Variants in DIP2B observed in about 807,000 individuals in gnomAD.
The protein encoded by DIP2B is DIP2 acetate--CoA ligase B (putative).
Under a neutral mutation model 198.0 loss-of-function variants are expected in DIP2B, and 76 were observed. The observed-to-expected ratio is 0.38, with a 90% CI of 0.32 to 0.46. The LOEUF is 0.46. Among genes scored for constraint, DIP2B ranks in the 20% least tolerant of loss-of-function variants. DIP2B has a pLI of 0.99. For missense variants in DIP2B, 1,559 were observed against 1,978.4 expected (o/e 0.79, Z 4.02); for synonymous variants, 701 against 739.1 (o/e 0.95, Z 0.84).
intron 37 of DIP2B, 27 bp downstream of exon 37, chr12:50,741,566 T>C (rs763630922): frequency 1.9e-6 from 3 of 1,601,256 alleles, no homozygotes; most frequent in South Asian, 2.2e-5. Context: ...ACACTGTGCT[T>C]CCCACTTCAG....
Position 50,670,431 on chromosome 12 carries a change from T to G in DIP2B, c.428-755T>G, listed in dbSNP as rs2012313. Among the ~76,000 whole-genome samples, 1,401 of 152,160 alleles carry G rather than the reference T, an allele frequency of 9.2e-3. 19 individuals carry two copies. Among genetic ancestry groups the G allele is most frequent in the African/African-American group, 0.032 (1,343 of 41,512 alleles). ...ATGTTTTTTGTTTTTTGTTTTTGTTTTTGAGTTGGAGTCTCGCTCTGTTGC... is the reference window on the plus strand; with the variant it reads ...ATGTTTTTTGTTTTTTGTTTTTGTTGTTGAGTTGGAGTCTCGCTCTGTTGC... On this transcript the variant is annotated intron_variant, in intron 4 of 37. Transcript: ENST00000301180.
intron 1 of DIP2B, among the ~76,000 whole-genome samples, chr12:50,523,377 T>C (rs950567724): frequency 1.3e-5 from 2 of 152,180 alleles, no homozygotes; most frequent in Non-Finnish European, 2.9e-5. Flanking sequence ...TCAGTACAGA[T>C]GGCTTTTTTT....
At chr12:50,538,652 T>C (rs184334992) in intron 1 of DIP2B, among the ~76,000 whole-genome samples, 37 of 152,344 alleles carry the variant, frequency 2.4e-4, no homozygotes, top group Admixed American at 1.3e-3. Flanking sequence ...TTACTATTTT[T>C]CTGTTATCAA....
At chr12:50,651,965 A>G (rs1236971356) in intron 3 of DIP2B, among the ~76,000 whole-genome samples, 1 of 152,054 alleles carries the variant, frequency 6.6e-6, no homozygotes, top group African/African-American at 2.4e-5. Context: ...GGATCACTTG[A>G]GGTCAGGAGT....
chr12:50,513,541 T>C (rs1958036969), intron 1 of DIP2B, among the ~76,000 whole-genome samples: 1 of 152,238 alleles, frequency 6.6e-6, no homozygotes, highest in South Asian at 2.1e-4. Flanking sequence ...ATCCCTCACT[T>C]GTCCTCAGTG....
rs1274636642 is a variant in DIP2B at position 50,505,022 on chromosome 12, C to CGGCGGCGGCGGCGGCGGT, written c.-117_-116insCGGCGGCGGCGGCGGTGG. On this transcript the variant is annotated 5_prime_UTR_variant, in exon 1 of 38. Transcript: ENST00000301180. ...CTCATGGCGGCGGCGGCGGCGGCGG[C>CGGCGGCGGCGGCGGCGGT]GGTGCTGGTGGTGCTCGGCGGCCGG... The CGGCGGCGGCGGCGGCGGT allele has an allele frequency of 1.3e-5, 13 of 1,001,224 alleles. No homozygotes were observed. Among genetic ancestry groups the CGGCGGCGGCGGCGGCGGT allele is most frequent in the Non-Finnish European group, 1.6e-5 (11 of 692,072 alleles). The allele number at this position is 1,001,224 out of a possible 1,614,324, so 62.0% of individuals were successfully genotyped here.
At chr12:50,526,398 G>T (rs1011882264) in intron 1 of DIP2B, among the ~76,000 whole-genome samples, 3 of 152,114 alleles carry the variant, frequency 2.0e-5, no homozygotes, top group African/African-American at 7.2e-5. Flanking sequence ...GACTTTTACA[G>T]TTGGGTGATA....
At chr12:50,538,353 G>A (rs1263582773) in intron 1 of DIP2B, among the ~76,000 whole-genome samples, 1 of 152,218 alleles carries the variant, frequency 6.6e-6, no homozygotes, top group Non-Finnish European at 1.5e-5. Context: ...CCATCGGGGA[G>A]TGTGAGAGGA....
chr12:50,665,595 T>A (rs1938738029), intron 4 of DIP2B, among the ~76,000 whole-genome samples: 3 of 152,114 alleles, frequency 2.0e-5, no homozygotes, highest in African/African-American at 4.8e-5. Flanking sequence ...TAATTTTTTT[T>A]AATTCCTTCA....
intron 4 of DIP2B, among the ~76,000 whole-genome samples, chr12:50,662,541 G>A (rs954885039): frequency 2.6e-5 from 4 of 152,146 alleles, no homozygotes; most frequent in African/African-American, 9.7e-5. Flanking sequence ...ATTAGGAATC[G>A]ATTCCATTCT....
intron 1 of DIP2B, among the ~76,000 whole-genome samples, chr12:50,617,372 G>A (rs371068178): frequency 6.6e-6 from 1 of 151,818 alleles, no homozygotes; most frequent in South Asian, 2.1e-4. Flanking sequence ...AGCCAGGATG[G>A]TCTCAATTTC....
intron 1 of DIP2B, among the ~76,000 whole-genome samples, chr12:50,552,337 T>C (rs557496796): frequency 6.6e-6 from 1 of 151,654 alleles, no homozygotes; most frequent in East Asian, 1.9e-4. Flanking sequence ...GCGTAATCTC[T>C]GCTCACTGCA....
chr12:50,598,017 A>T (rs1188659421), intron 1 of DIP2B, among the ~76,000 whole-genome samples: 3 of 152,252 alleles, frequency 2.0e-5, no homozygotes, highest in African/African-American at 7.2e-5. Flanking sequence ...GGTTGGGTCC[A>T]GAGCAGCCAT....
chr12:50,640,033 G>A (rs1565854672), intron 2 of DIP2B, among the ~76,000 whole-genome samples: 1 of 151,992 alleles, frequency 6.6e-6, no homozygotes, highest in Admixed American at 6.5e-5. Flanking sequence ...ATACTAATAA[G>A]ATATTAATAC....
chr12:50,517,239 AT>A (rs998839523), intron 1 of DIP2B, among the ~76,000 whole-genome samples: 42 of 147,770 alleles, frequency 2.8e-4, no homozygotes, highest in African/African-American at 5.0e-4. Context: ...TTTTAATTAG[AT>A]TTTTTTTTTT....
intron 1 of DIP2B, among the ~76,000 whole-genome samples, chr12:50,516,520 C>T (rs1449828435): frequency 6.6e-6 from 1 of 152,062 alleles, no homozygotes; most frequent in Non-Finnish European, 1.5e-5. Flanking sequence ...TCCCAAAGTG[C>T]AGAGATTATG....
chr12:50,590,026 A>G (rs1228910458), intron 1 of DIP2B, among the ~76,000 whole-genome samples: 1 of 151,682 alleles, frequency 6.6e-6, no homozygotes, highest in Non-Finnish European at 1.5e-5. Context: ...CTGAGATAGT[A>G]TCTTACTTTC....
intron 1 of DIP2B, among the ~76,000 whole-genome samples, chr12:50,557,793 A>G (rs1405694766): frequency 1.3e-5 from 2 of 152,196 alleles, no homozygotes; most frequent in Non-Finnish European, 2.9e-5. Context: ...TTTCTCCCAG[A>G]TTGAACTTGC....
chr12:50,630,976 C>T (rs540400013), intron 2 of DIP2B, among the ~76,000 whole-genome samples: 2 of 151,910 alleles, frequency 1.3e-5, no homozygotes, highest in South Asian at 4.2e-4. Flanking sequence ...TGGCCATCCA[C>T]CACTTCTTAT....
Sources: allele counts gnomAD v4.1 joint callset (sites outside exome capture counted in the v4.1 genomes callset), GRCh38; gene constraint gnomAD v4.1.1; transcripts MANE v1.5; gene names NCBI Gene and HGNC (gene_info 2026-07-23, HGNC 2026-07-21).